The following CACNA2D3 variants were observed in gnomAD, a reference collection of about 807,000 sequenced individuals.
The protein encoded by CACNA2D3 is calcium voltage-gated channel auxiliary subunit alpha2delta 3, also known as voltage-dependent calcium channel subunit alpha-2/delta-3.
Under a neutral mutation model 160.6 loss-of-function variants are expected in CACNA2D3, and 60 were observed. The ratio of observed to expected loss-of-function variants is 0.37; its 90% CI spans 0.30 to 0.46. CACNA2D3 has a LOEUF of 0.46. Among genes scored for constraint, CACNA2D3 ranks in the 20% least tolerant of loss-of-function variants. The pLI is 1.00. For synonymous variants in CACNA2D3, 558 were observed against 492.9 expected, an observed-to-expected ratio of 1.13 and a Z score of -1.75; for missense variants, 1,205 against 1,365.0, an observed-to-expected ratio of 0.88 and a Z score of 1.85.
intron 26 of CACNA2D3, 105 bp from the exon 27 acceptor site, chr3:54,899,683 C>G: frequency 1.2e-6 from 1 of 845,656 alleles, no homozygotes; most frequent in South Asian, 1.6e-5. Flanking sequence ...GACCAAGCCC[C>G]AGAACAATTT....
chr3:54,285,295 C>A (rs1048410364), intron 2 of CACNA2D3, among the ~76,000 whole-genome samples: 1 of 152,218 alleles, frequency 6.6e-6, no homozygotes, highest in Non-Finnish European at 1.5e-5. Context: ...CCTCACCTGG[C>A]TCGGAGGGTC....
intron 12 of CACNA2D3, among the ~76,000 whole-genome samples, chr3:54,755,683 C>G (rs1039835052): frequency 7.9e-5 from 12 of 152,104 alleles, no homozygotes; most frequent in African/African-American, 2.9e-4. Flanking sequence ...CAGATTTCCT[C>G]TGAGTGAAGA....
At chr3:54,758,959 G>C (rs1255850989) in intron 12 of CACNA2D3, among the ~76,000 whole-genome samples, 1 of 152,178 alleles carries the variant, frequency 6.6e-6, no homozygotes, top group East Asian at 1.9e-4. Context: ...TTGCAAAGTG[G>C]AGTATTTAAT....
chr3:54,453,278 C>T (rs1237757994), intron 4 of CACNA2D3, among the ~76,000 whole-genome samples: 1 of 152,192 alleles, frequency 6.6e-6, no homozygotes, highest in Non-Finnish European at 1.5e-5. Context: ...CAGGCATGAG[C>T]CACTGTGCCC....
intron 4 of CACNA2D3, among the ~76,000 whole-genome samples, chr3:54,464,630 G>C (rs572036987): frequency 6.6e-6 from 1 of 152,228 alleles, no homozygotes; most frequent in African/African-American, 2.4e-5. Context: ...CGTCGGAAAA[G>C]GGCAGTATTA....
intron 11 of CACNA2D3, among the ~76,000 whole-genome samples, chr3:54,675,532 C>A (rs1008621056): frequency 5.0e-4 from 76 of 152,240 alleles, no homozygotes; most frequent in African/African-American, 1.7e-3. Flanking sequence ...TTCATCTTCT[C>A]TCCCTGAAGT....
chr3:54,809,878 AAGAT>A (rs1703254064), intron 13 of CACNA2D3, among the ~76,000 whole-genome samples: 1 of 152,200 alleles, frequency 6.6e-6, no homozygotes, highest in Admixed American at 6.5e-5. Context: ...AACAGTGAAT[AAGAT>A]AGATACAGTC....
At chr3:54,209,058 G>C (rs1701324019) in intron 2 of CACNA2D3, among the ~76,000 whole-genome samples, 1 of 152,192 alleles carries the variant, frequency 6.6e-6, no homozygotes. Flanking sequence ...CCACCCCCAT[G>C]ATTCATTTGT....
intron 11 of CACNA2D3, among the ~76,000 whole-genome samples, chr3:54,729,369 C>T (rs1017316188): frequency 2.0e-5 from 3 of 152,140 alleles, no homozygotes; most frequent in African/African-American, 7.2e-5. Flanking sequence ...TTTATCCAAC[C>T]TTAATAGATA....
rs145738389 is a variant in CACNA2D3 at position 54,542,978 on chromosome 3, C to G, written c.545-19822C>G. Among the ~76,000 whole-genome samples the G allele has an allele frequency of 7.9e-3, 1,203 of 152,290 alleles. 11 individuals carry two copies. The highest frequency in any genetic ancestry group is 0.026 in the African/African-American group (1,100 of 41,542). ...ATCTTGGTCATATTCGTTGGAATTA[C>G]CTTGACAAGCGAACACCTCATGTGT... On this transcript the variant is annotated intron_variant, in intron 5 of 37. Coordinates refer to ENST00000474759, the MANE Select transcript of CACNA2D3 (RefSeq NM_018398.3).
intron 2 of CACNA2D3, among the ~76,000 whole-genome samples, chr3:54,190,333 C>T (rs1310525054): frequency 1.3e-5 from 2 of 152,134 alleles, no homozygotes; most frequent in African/African-American, 4.8e-5. Context: ...GGTGAGGTAC[C>T]CAGAAAGGGT....
intron 11 of CACNA2D3, among the ~76,000 whole-genome samples, chr3:54,687,742 C>T (rs1255040032): frequency 6.6e-6 from 1 of 152,198 alleles, no homozygotes; most frequent in Non-Finnish European, 1.5e-5. Context: ...GCTTTCTAAA[C>T]CCTTGTGAGT....
intron 2 of CACNA2D3, among the ~76,000 whole-genome samples, chr3:54,132,928 G>T (rs966647133): frequency 4.3e-4 from 65 of 152,194 alleles, no homozygotes; most frequent in Admixed American, 3.6e-3. Context: ...CAAATGAGAA[G>T]ATGCATGCAG....
At chr3:54,581,198 G>C (rs1413740683) in intron 8 of CACNA2D3, among the ~76,000 whole-genome samples, 1 of 152,186 alleles carries the variant, frequency 6.6e-6, no homozygotes, top group South Asian at 2.1e-4. Flanking sequence ...ACCTGGTTGT[G>C]AGCTTCGGGC....
At chr3:54,370,835 A>AG (rs1464250807) in intron 3 of CACNA2D3, among the ~76,000 whole-genome samples, 74 of 129,544 alleles carry the variant, frequency 5.7e-4, no homozygotes, top group Admixed American at 2.4e-3. Context: ...CCCCGACTCC[A>AG]GAAAAAAAAA....
intron 11 of CACNA2D3, among the ~76,000 whole-genome samples, chr3:54,736,089 G>A (rs377407606): frequency 0.42 from 15,158 of 35,866 alleles, 3,676 homozygotes; most frequent in Non-Finnish European, 0.48. Flanking sequence ...ATATGTATGT[G>A]TATATATATA....
At chr3:54,780,549 A>G (rs1882321) in intron 13 of CACNA2D3, among the ~76,000 whole-genome samples, 12,741 of 152,192 alleles carry the variant, frequency 0.084, 820 homozygotes, top group East Asian at 0.4. Context: ...ACTCCAGAGA[A>G]ATTTGATACT....
chr3:54,895,542 C>T (rs1020185249), intron 25 of CACNA2D3, among the ~76,000 whole-genome samples: 3 of 152,262 alleles, frequency 2.0e-5, no homozygotes, highest in Admixed American at 6.5e-5. Context: ...GAACTGGGTG[C>T]CAAGTTCAGG....
At chr3:54,560,905 T>TAAA (rs1702314054) in intron 5 of CACNA2D3, among the ~76,000 whole-genome samples, 1 of 152,212 alleles carries the variant, frequency 6.6e-6, no homozygotes. Flanking sequence ...GTCTTATTTC[T>TAAA]TTCCTCTCTA....
Sources: gnomAD v4.1 joint callset for allele counts (sites outside exome capture counted in the v4.1 genomes callset) on GRCh38, gnomAD v4.1.1 for gene constraint, MANE v1.5 for transcripts, NCBI Gene and HGNC (gene_info 2026-07-23, HGNC 2026-07-21) for gene names.